SEMA6D: variants seen among roughly 807,000 people sequenced by gnomAD.
The protein encoded by SEMA6D is semaphorin 6D.
In SEMA6D, 35 loss-of-function variants were observed where a neutral mutation model predicts 106.6. The ratio of observed to expected loss-of-function variants is 0.33; its 90% CI spans 0.25 to 0.44. The LOEUF is 0.44. Ranked by LOEUF, SEMA6D falls within the 20% of genes least tolerant of loss-of-function variation. The pLI is 1.00. For synonymous variants in SEMA6D, 499 were observed against 487.7 expected (o/e 1.02, Z -0.31); for missense variants, 1,185 against 1,345.9 (o/e 0.88, Z 1.87).
At chr15:47,355,692 G>A (rs1035648554) in intron 1 of SEMA6D, among the ~76,000 whole-genome samples, 7 of 152,100 alleles carry the variant, frequency 4.6e-5, no homozygotes, top group African/African-American at 1.7e-4. Flanking sequence ...ACTTTGGGAA[G>A]GAAAAAATAA....
intron 3 of SEMA6D, among the ~76,000 whole-genome samples, chr15:47,571,681 A>T (rs756874140): frequency 4.3e-4 from 65 of 152,198 alleles, no homozygotes; most frequent in Non-Finnish European, 5.9e-4. Context: ...GCATATTTAG[A>T]GTTATGTAGG....
chr15:47,228,437 A>C (rs2031963009), intron 1 of SEMA6D, among the ~76,000 whole-genome samples: 2 of 150,508 alleles, frequency 1.3e-5, no homozygotes, highest in Admixed American at 6.7e-5. Flanking sequence ...ATGTTAAATG[A>C]TAGCTCTGTC....
intron 1 of SEMA6D, among the ~76,000 whole-genome samples, chr15:47,237,340 A>G (rs988914105): frequency 6.6e-6 from 1 of 152,120 alleles, no homozygotes; most frequent in East Asian, 1.9e-4. Context: ...TTAAATGATC[A>G]CACTGTGATT....
intron 1 of SEMA6D, among the ~76,000 whole-genome samples, chr15:47,312,159 T>TTTC (rs1555420712): frequency 0.055 from 8,313 of 150,556 alleles, 669 homozygotes; most frequent in African/African-American, 0.18. Flanking sequence ...TTTTTTTTTT[T>TTTC]CCCCATTACC....
chr15:47,585,268 G>T (rs1436605529), intron 3 of SEMA6D, among the ~76,000 whole-genome samples: 1 of 152,192 alleles, frequency 6.6e-6, no homozygotes, highest in Admixed American at 6.5e-5. Flanking sequence ...TAAGCATTTT[G>T]CTTCTAGTGG....
At chr15:47,330,117 C>T (rs541359684) in intron 1 of SEMA6D, among the ~76,000 whole-genome samples, 6 of 152,200 alleles carry the variant, frequency 3.9e-5, no homozygotes, top group Non-Finnish European at 8.8e-5. Flanking sequence ...CATGCACAGT[C>T]TCTTGTTAGG....
chr15:47,484,313 G>A (rs1249451489), intron 3 of SEMA6D, among the ~76,000 whole-genome samples: 1 of 152,088 alleles, frequency 6.6e-6, no homozygotes, highest in Non-Finnish European at 1.5e-5. Context: ...ACAGTGCGGA[G>A]GTACTTCCTG....
intron 2 of SEMA6D, among the ~76,000 whole-genome samples, chr15:47,443,202 C>G (rs1471986185): frequency 2.0e-5 from 3 of 152,108 alleles, no homozygotes; most frequent in Non-Finnish European, 4.4e-5. Context: ...CTCCTTATCC[C>G]TACACACCTC....
chr15:47,556,983 A>G (rs577648105), intron 3 of SEMA6D, among the ~76,000 whole-genome samples: 3 of 152,300 alleles, frequency 2.0e-5, no homozygotes, highest in Non-Finnish European at 2.9e-5. Context: ...ACTAAAATGT[A>G]CATAACAATG....
At chr15:47,506,926 C>G (rs1310483305) in intron 3 of SEMA6D, among the ~76,000 whole-genome samples, 1 of 151,480 alleles carries the variant, frequency 6.6e-6, no homozygotes, top group Non-Finnish European at 1.5e-5. Flanking sequence ...GTAAGTCTTT[C>G]AAGTCAGGCT....
chr15:47,721,077 G>A (rs2079395998), intron 1 of SEMA6D, among the ~76,000 whole-genome samples: 1 of 152,184 alleles, frequency 6.6e-6, no homozygotes, highest in African/African-American at 2.4e-5. Context: ...TTTATCATTT[G>A]CAAGGAGCTG....
At chr15:47,193,186 G>C (rs533421152) in intron 1 of SEMA6D, among the ~76,000 whole-genome samples, 19 of 152,176 alleles carry the variant, frequency 1.2e-4, no homozygotes, top group Non-Finnish European at 2.5e-4. Flanking sequence ...GTGAGACTTG[G>C]GGCAGGTTAC....
At chr15:47,324,211 A>G (rs1436418198) in intron 1 of SEMA6D, among the ~76,000 whole-genome samples, 3 of 152,188 alleles carry the variant, frequency 2.0e-5, no homozygotes, top group African/African-American at 7.2e-5. Flanking sequence ...AAGTTCACAC[A>G]AATTTTCACA....
chr15:47,448,404 A>G (rs1469254212), intron 2 of SEMA6D, among the ~76,000 whole-genome samples: 4 of 152,108 alleles, frequency 2.6e-5, no homozygotes, highest in Non-Finnish European at 4.4e-5. Context: ...GGCCTCAGTC[A>G]TGCTTGGGAG....
intron 3 of SEMA6D, among the ~76,000 whole-genome samples, chr15:47,487,271 C>A (rs532333682): frequency 4.6e-5 from 7 of 152,212 alleles, no homozygotes; most frequent in African/African-American, 1.7e-4. Context: ...GAAGAATGAT[C>A]CCCTCAAGGA....
chr15:47,557,672 G>A (rs1319407561), intron 3 of SEMA6D, among the ~76,000 whole-genome samples: 2 of 152,126 alleles, frequency 1.3e-5, no homozygotes, highest in African/African-American at 2.4e-5. Context: ...TGTATTTGCT[G>A]GGTTTTGGTT....
intron 1 of SEMA6D, among the ~76,000 whole-genome samples, chr15:47,274,016 G>T (rs138202279): frequency 6.6e-6 from 1 of 152,076 alleles, no homozygotes; most frequent in African/African-American, 2.4e-5. Context: ...GAGCTTGGGG[G>T]TATGGACCTA....
At chr15:47,533,815 G>A (rs1041617371) in intron 3 of SEMA6D, among the ~76,000 whole-genome samples, 1 of 152,192 alleles carries the variant, frequency 6.6e-6, no homozygotes, top group African/African-American at 2.4e-5. Context: ...TAACATAGAA[G>A]CCAAAACTGG....
chr15:47,615,192 A>G (rs910896928), intron 4 of SEMA6D, among the ~76,000 whole-genome samples: 11 of 152,248 alleles, frequency 7.2e-5, no homozygotes, highest in Admixed American at 3.3e-4. Context: ...AAATAATACA[A>G]TAATAAAAAA....
Sources: allele counts gnomAD v4.1 joint callset (sites outside exome capture counted in the v4.1 genomes callset), GRCh38; gene constraint gnomAD v4.1.1; transcripts MANE v1.5; gene names NCBI Gene and HGNC (gene_info 2026-07-23, HGNC 2026-07-21).